The following MCTP2 variants were observed in gnomAD, a reference collection of about 807,000 sequenced individuals.
MCTP2 encodes multiple C2 and transmembrane domain-containing protein 2.
MCTP2 carries 132 observed loss-of-function variants against 111.6 expected under a neutral mutation model. The ratio of observed to expected loss-of-function variants is 1.18; its 90% confidence interval spans 1.03 to 1.37. The LOEUF (loss-of-function observed/expected upper bound fraction) is 1.37, where lower values mean the gene tolerates loss of function less well. Among genes scored for constraint, MCTP2 ranks in the 40% most tolerant of loss-of-function variants. MCTP2 has a pLI of 0.00. For missense variants in MCTP2, 1,183 were observed against 1,067.9 expected, an observed-to-expected ratio of 1.11 and a Z score of -1.50; for synonymous variants, 395 against 387.7, an observed-to-expected ratio of 1.02 and a Z score of -0.22.
At chr15:94,358,760 T>C (rs996958000) in intron 10 of MCTP2, 148 bp downstream of exon 10, 1 of 855,818 alleles carries the variant, frequency 1.2e-6, no homozygotes. Flanking sequence ...CAGTCCTAAC[T>C]GGGGGAAAGT....
At position 94,340,764 on chromosome 15, in the gene MCTP2, A is replaced by C. The variant is rs779050832; in HGVS notation, c.858-49A>C. The C allele has an allele frequency of 2.8e-5, 33 of 1,177,876 alleles. No homozygotes were observed. The South Asian group carries it at 4.3e-4, about 15-fold the overall frequency. The allele number at this position is 1,177,876 out of a possible 1,614,324, so 73.0% of individuals were successfully genotyped here. ...AAGCTCCTGATGCGTGTAGGTCAAT[A>C]CAGTCCTGTCAATAAGTGGTAGCAT... On this transcript the variant is annotated intron_variant, in intron 6 of 22. Coordinates refer to ENST00000357742, the MANE Select transcript of MCTP2 (RefSeq NM_001385001.1).
intron 12 of MCTP2, among the ~76,000 whole-genome samples, chr15:94,383,749 G>T (rs941647271): frequency 6.6e-6 from 1 of 152,144 alleles, no homozygotes; most frequent in African/African-American, 2.4e-5. Context: ...GGAATTATGG[G>T]AGCTACAATT....
At chr15:94,290,641 A>G (rs985077116) in intron 1 of MCTP2, among the ~76,000 whole-genome samples, 1 of 152,254 alleles carries the variant, frequency 6.6e-6, no homozygotes, top group Non-Finnish European at 1.5e-5. Context: ...TGTCCTAGCT[A>G]TGGGCTTTCC....
chr15:94,392,332 A>G (rs1023856092), intron 14 of MCTP2, among the ~76,000 whole-genome samples: 3 of 151,886 alleles, frequency 2.0e-5, no homozygotes, highest in Non-Finnish European at 2.9e-5. Context: ...AGATAATGCC[A>G]CTGCACTCCA....
intron 12 of MCTP2, among the ~76,000 whole-genome samples, chr15:94,371,990 A>G (rs761326879): frequency 1.3e-5 from 2 of 150,234 alleles, no homozygotes; most frequent in Admixed American, 6.6e-5. Flanking sequence ...GACTATTAAA[A>G]TAGAGTGAAT....
At chr15:94,370,243 G>T in intron 12 of MCTP2, 63 bp downstream of exon 12, 2 of 1,337,932 alleles carry the variant, frequency 1.5e-6, no homozygotes, top group Non-Finnish European at 2.1e-6. Flanking sequence ...ACAATCTCCT[G>T]GCAAAGCAAA....
intron 20 of MCTP2, among the ~76,000 whole-genome samples, chr15:94,464,263 A>ATATATAT (rs2085442011): frequency 8.4e-6 from 1 of 119,172 alleles, no homozygotes; most frequent in Non-Finnish European, 1.8e-5. Flanking sequence ...TATATTATAT[A>ATATATAT]TATATATATA....
chr15:94,358,473 GT>G lies in MCTP2; in HGVS notation c.1171-5del. 1 of 1,605,538 alleles carries G rather than the reference GT, an allele frequency of 6.2e-7. No individual in the cohort carries two copies. On this transcript the variant is annotated splice_region_variant and splice_polypyrimidine_tract_variant and intron_variant, in intron 9 of 22. Coordinates refer to ENST00000357742, the MANE Select transcript of MCTP2 (RefSeq NM_001385001.1). The stretch of plus-strand genomic sequence containing the variant: ...AAGAAAATAAATATTATAACTGCAT[GT>G]TTTCTAGACACTGTGTAAGAGTGCA...
At chr15:94,429,277 T>A (rs912381743) in intron 17 of MCTP2, among the ~76,000 whole-genome samples, 2 of 152,108 alleles carry the variant, frequency 1.3e-5, no homozygotes, top group Non-Finnish European at 2.9e-5. Flanking sequence ...TTATTTCCCA[T>A]CTCCTGCCTC....
chr15:94,358,961 T>C (rs1211124793), intron 10 of MCTP2, among the ~76,000 whole-genome samples: 1 of 152,160 alleles, frequency 6.6e-6, no homozygotes, highest in Non-Finnish European at 1.5e-5. Context: ...TTAGTAAAGG[T>C]CTAAGGCTAG....
intron 1 of MCTP2, among the ~76,000 whole-genome samples, chr15:94,264,534 G>A (rs926210052): frequency 1.3e-5 from 2 of 151,998 alleles, no homozygotes; most frequent in Admixed American, 6.5e-5. Context: ...GCGTGAACCC[G>A]GAAGGCAGAG....
intron 19 of MCTP2, among the ~76,000 whole-genome samples, chr15:94,455,324 G>A (rs1177734794): frequency 6.6e-6 from 1 of 152,136 alleles, no homozygotes; most frequent in Non-Finnish European, 1.5e-5. Context: ...GAAAATATTT[G>A]GGATGAAGTA....
At chr15:94,300,472 T>C (rs145080224) in intron 2 of MCTP2, among the ~76,000 whole-genome samples, 2,392 of 145,944 alleles carry the variant, frequency 0.016, 68 homozygotes, top group African/African-American at 0.058. Flanking sequence ...ATCGCGCCAC[T>C]GCACTCCAGC....
At chr15:94,473,593 G>C (rs1312394893) in intron 21 of MCTP2, among the ~76,000 whole-genome samples, 2 of 152,112 alleles carry the variant, frequency 1.3e-5, no homozygotes, top group Admixed American at 1.3e-4. Context: ...CTATTGTAGA[G>C]GTTTTAATTA....
At chr15:94,266,904 G>A (rs2073568314) in intron 1 of MCTP2, among the ~76,000 whole-genome samples, 1 of 152,202 alleles carries the variant, frequency 6.6e-6, no homozygotes, top group Admixed American at 6.5e-5. Context: ...TGAGGGACTT[G>A]GAAGACATTT....
At chr15:94,408,015 G>A (rs1197724066) in intron 17 of MCTP2, among the ~76,000 whole-genome samples, 1 of 152,086 alleles carries the variant, frequency 6.6e-6, no homozygotes, top group Admixed American at 6.5e-5. Flanking sequence ...TTTGAGATTC[G>A]ACTCATTAAA....
At chr15:94,349,636 T>C (rs1188806426) in intron 8 of MCTP2, among the ~76,000 whole-genome samples, 5 of 151,650 alleles carry the variant, frequency 3.3e-5, no homozygotes, top group African/African-American at 4.8e-5. Context: ...CTGGTTAACA[T>C]GGTGAAACCC....
At chr15:94,335,070 C>T (rs188823799) in intron 4 of MCTP2, among the ~76,000 whole-genome samples, 3 of 152,278 alleles carry the variant, frequency 2.0e-5, no homozygotes, top group African/African-American at 7.2e-5. Flanking sequence ...CCAGCTTTCT[C>T]CTCAGTCCTC....
At chr15:94,234,617 ACT>A (rs932946858) in intron 1 of MCTP2, among the ~76,000 whole-genome samples, 1 of 152,080 alleles carries the variant, frequency 6.6e-6, no homozygotes, top group Non-Finnish European at 1.5e-5. Flanking sequence ...CAGCAGAGAC[ACT>A]CTGGACACTC....
Sources: allele counts gnomAD v4.1 joint callset (sites outside exome capture counted in the v4.1 genomes callset), GRCh38; gene constraint gnomAD v4.1.1; transcripts MANE v1.5; gene names NCBI Gene and HGNC (gene_info 2026-07-23, HGNC 2026-07-21).